The following UGT2B15 variants were observed in gnomAD, a reference collection of about 807,000 sequenced individuals.
The protein encoded by UGT2B15 is UDP-glucuronosyltransferase 2B15.
UGT2B15 carries 36 observed loss-of-function variants against 45.9 expected under a neutral mutation model. That is an observed-to-expected ratio of 0.78 (90% confidence interval 0.60 to 1.04). The LOEUF (loss-of-function observed/expected upper bound fraction) is 1.04, where lower values mean the gene tolerates loss of function less well. Among genes scored for constraint, UGT2B15 ranks in the 50% least tolerant of loss-of-function variants. The pLI is 0.00. For missense variants in UGT2B15, 617 were observed against 622.4 expected, an observed-to-expected ratio of 0.99 and a Z score of 0.09; for synonymous variants, 219 against 216.4, an observed-to-expected ratio of 1.01 and a Z score of -0.11.
chr4:68,667,420 G>C, intron 2 of UGT2B15, among the ~76,000 whole-genome samples: 1 of 151,904 alleles, frequency 6.6e-6, no homozygotes, highest in Non-Finnish European at 1.5e-5. Flanking sequence ...AAGCAATCAT[G>C]CCTTCTCTGC....
chr4:68,654,215 T>C lies in UGT2B15; in HGVS notation c.1135A>G (p.Asn379Asp), dbSNP rs1404432649. The change falls in exon 5 of 6, where the codon AAT becomes GAT. Residue 379 changes from asparagine (N) to aspartate (D), a missense_variant. Asn to Asp is a conservative substitution (Grantham distance 23, BLOSUM62 1). Coordinates refer to ENST00000338206, the MANE Select transcript of UGT2B15 (RefSeq NM_001076.4). ...TGGTAGATCGCCTCATAGATGCCAT[T>C]GGTTCCACCATGAGTTATAAAAGCT... ...TKAFITHGGT[N>D]GIYEAIYHGI... 1.2e-6 allele frequency: 2 copies of C among 1,613,552 alleles called. No homozygotes were observed. The highest frequency in any genetic ancestry group is 1.3e-5 in the African/African-American group (1 of 74,850).
chr4:68,656,701 A>G (rs750695755), intron 3 of UGT2B15, among the ~76,000 whole-genome samples: 1 of 152,084 alleles, frequency 6.6e-6, no homozygotes, highest in Non-Finnish European at 1.5e-5. Context: ...GAAGGCTTCT[A>G]ATGACTTGAA....
intron 2 of UGT2B15, among the ~76,000 whole-genome samples, chr4:68,665,910 G>A (rs1733104971): frequency 6.6e-6 from 1 of 152,114 alleles, no homozygotes; most frequent in Non-Finnish European, 1.5e-5. Context: ...AGTCAGATGT[G>A]TTGGCAGGTG....
At chr4:68,652,640 T>A (rs1466336940) in intron 5 of UGT2B15, among the ~76,000 whole-genome samples, 1 of 151,600 alleles carries the variant, frequency 6.6e-6, no homozygotes. Context: ...TTCCTTTGGA[T>A]TATGGAAAAG....
chr4:68,667,830 C>T (rs1578201325), intron 2 of UGT2B15, among the ~76,000 whole-genome samples: 1 of 152,230 alleles, frequency 6.6e-6, no homozygotes, highest in African/African-American at 2.4e-5. Context: ...ACCCTGTTTT[C>T]AAAATCTCCC....
intron 5 of UGT2B15, among the ~76,000 whole-genome samples, chr4:68,650,546 A>G (rs2109819418): frequency 6.6e-6 from 1 of 152,188 alleles, no homozygotes; most frequent in East Asian, 1.9e-4. Context: ...CCAGTCTATC[A>G]CTGATGAGCA....
At chr4:68,668,255 T>C (rs1733201259) in intron 1 of UGT2B15, 67 bp from the exon 2 acceptor site, 1 of 1,600,862 alleles carries the variant, frequency 6.2e-7, no homozygotes, top group Non-Finnish European at 8.5e-7. Flanking sequence ...AATATGCAGG[T>C]ATTTTCCTGA....
chr4:68,653,580 A>G (rs1233459750), intron 5 of UGT2B15, among the ~76,000 whole-genome samples: 6 of 151,968 alleles, frequency 3.9e-5, no homozygotes, highest in African/African-American at 1.2e-4. Flanking sequence ...CATACTAAAT[A>G]TATTTAGATT....
At chr4:68,669,536 A>G (rs1046332056) in intron 1 of UGT2B15, among the ~76,000 whole-genome samples, 9 of 152,182 alleles carry the variant, frequency 5.9e-5, no homozygotes, top group African/African-American at 1.9e-4. Flanking sequence ...AATATGTGTA[A>G]ATACTAAATT....
At chr4:68,652,661 C>T (rs568134779) in intron 5 of UGT2B15, among the ~76,000 whole-genome samples, 2 of 151,032 alleles carry the variant, frequency 1.3e-5, no homozygotes, top group South Asian at 2.1e-4. Context: ...TTAAGTATTA[C>T]ATATTTATTT....
intron 5 of UGT2B15, among the ~76,000 whole-genome samples, chr4:68,648,030 C>T (rs546210405): frequency 3.9e-5 from 6 of 152,026 alleles, no homozygotes; most frequent in South Asian, 2.1e-4. Context: ...CCCATTTTGA[C>T]GTATTTAAAG....
chr4:68,658,052 A>T (rs1411862733), intron 3 of UGT2B15, among the ~76,000 whole-genome samples: 2 of 152,072 alleles, frequency 1.3e-5, no homozygotes, highest in Non-Finnish European at 2.9e-5. Flanking sequence ...CAAATGTAAG[A>T]CTATTTAGCT....
chr4:68,655,324 A>T, intron 3 of UGT2B15, 142 bp from the exon 4 acceptor site: 1 of 1,074,926 alleles, frequency 9.3e-7, no homozygotes. Context: ...AAGTAATGAG[A>T]ACTACTAAAA....
intron 4 of UGT2B15, among the ~76,000 whole-genome samples, 195 bp downstream of exon 4, chr4:68,654,898 CTG>C (rs1732758603): frequency 6.6e-6 from 1 of 152,018 alleles, no homozygotes; most frequent in Non-Finnish European, 1.5e-5. Context: ...AAGAATGTGA[CTG>C]TATGTAATAA....
At chr4:68,659,258 T>C (rs1322020715) in intron 3 of UGT2B15, among the ~76,000 whole-genome samples, 1 of 152,032 alleles carries the variant, frequency 6.6e-6, no homozygotes, top group African/African-American at 2.4e-5. Context: ...ATTAGTCAAA[T>C]GAATGATTTA....
Position 68,646,844 on chromosome 4 carries a change from C to A in UGT2B15, c.*260G>T. On this transcript the variant is annotated 3_prime_UTR_variant, in exon 6 of 6. Coordinates refer to ENST00000338206, the MANE Select transcript of UGT2B15 (RefSeq NM_001076.4). ...CATGTTGGCGTGCTGCATCCAGTAA[C>A]TCGTCATTTAACATTAGGTATATCT... 1.3e-5 allele frequency: 6 copies of A among 460,332 alleles called. No homozygotes were observed. The highest frequency in any genetic ancestry group is 1.5e-5 in the Non-Finnish European group (4 of 269,758). 28.5% of individuals were successfully genotyped at this position (460,332 alleles called of 1,614,324 possible).
At chr4:68,654,663 C>T (rs1339959829) in intron 4 of UGT2B15, among the ~76,000 whole-genome samples, 1 of 151,878 alleles carries the variant, frequency 6.6e-6, no homozygotes, top group Admixed American at 6.6e-5. Context: ...AATGTGTTAT[C>T]ATTTTATCAT....
At chr4:68,662,621 T>G (rs2109831483) in intron 3 of UGT2B15, among the ~76,000 whole-genome samples, 1 of 152,114 alleles carries the variant, frequency 6.6e-6, no homozygotes, top group East Asian at 1.9e-4. Context: ...TACAGTAACT[T>G]ATTAAAATTT....
chr4:68,652,750 G>A (rs1185609892), intron 5 of UGT2B15, among the ~76,000 whole-genome samples: 6 of 150,992 alleles, frequency 4.0e-5, no homozygotes. Context: ...CATAGTGGAA[G>A]AAAATATTTG....
Sources: gnomAD v4.1 joint callset for allele counts (sites outside exome capture counted in the v4.1 genomes callset) on GRCh38, gnomAD v4.1.1 for gene constraint, MANE v1.5 for transcripts, NCBI Gene and HGNC (gene_info 2026-07-23, HGNC 2026-07-21) for gene names.